Variants in SH3PXD2A observed in about 807,000 individuals in gnomAD.
The protein encoded by SH3PXD2A is SH3 and PX domain-containing protein 2A.
SH3PXD2A carries 32 observed loss-of-function variants against 115.2 expected under a neutral mutation model. The observed-to-expected ratio is 0.28, with a 90% confidence interval of 0.21 to 0.37. The LOEUF (loss-of-function observed/expected upper bound fraction) is 0.37, where lower values mean the gene tolerates loss of function less well. Among genes scored for constraint, SH3PXD2A ranks in the 10% least tolerant of loss-of-function variants. The pLI is 1.00. For synonymous variants in SH3PXD2A, 610 were observed against 629.1 expected (o/e 0.97, Z 0.45); for missense variants, 1,328 against 1,498.7 (o/e 0.89, Z 1.88).
At chr10:103,747,344 G>A (rs1673514753) in intron 3 of SH3PXD2A, among the ~76,000 whole-genome samples, 1 of 152,194 alleles carries the variant, frequency 6.6e-6, no homozygotes, top group African/African-American at 2.4e-5. Context: ...CGTGGGTGTG[G>A]TGGGCGTGGT....
At chr10:103,619,169 T>C (rs1237671870) in intron 10 of SH3PXD2A, among the ~76,000 whole-genome samples, 1 of 152,230 alleles carries the variant, frequency 6.6e-6, no homozygotes, top group Admixed American at 6.5e-5. Context: ...AACCCAGCCA[T>C]GCTTCAGACT....
chr10:103,602,954 G>A lies in SH3PXD2A; in HGVS notation c.2264C>T (p.Ser755Leu), dbSNP rs758192955. 1.3e-5 allele frequency: 21 copies of A among 1,614,086 alleles called. No individual in the cohort carries two copies. The highest frequency in any genetic ancestry group is 2.7e-5 in the African/African-American group (2 of 74,946). ...GTTTAGGAATGGCTTGGGCCGGACC[G>A]ATGGCTTGGCCCGGGGACAGGAGGT... ...GLTSCPRAKP[S>L]VRPKPFLNRA... The change falls in exon 15 of 15, where the codon TCG becomes TTG. Residue 755 changes from serine (S) to leucine (L), a missense_variant. By Grantham distance (145) the Ser-to-Leu change is moderately radical. Transcript: ENST00000369774.
intron 13 of SH3PXD2A, among the ~76,000 whole-genome samples, chr10:103,606,210 CATCATCATCATT>C (rs1264550792): frequency 2.0e-5 from 3 of 151,158 alleles, no homozygotes; most frequent in African/African-American, 7.3e-5. Context: ...TCATCATCAT[CATCATCATCATT>C]ACTCTGAGAT....
intron 11 of SH3PXD2A, among the ~76,000 whole-genome samples, chr10:103,616,088 C>T (rs1429865338): frequency 6.6e-6 from 1 of 152,064 alleles, no homozygotes; most frequent in Non-Finnish European, 1.5e-5. Flanking sequence ...CATGTTCCAT[C>T]AGGTCAGACT....
At chr10:103,710,027 G>A (rs950368749) in intron 5 of SH3PXD2A, among the ~76,000 whole-genome samples, 3 of 151,876 alleles carry the variant, frequency 2.0e-5, no homozygotes, top group East Asian at 1.9e-4. Flanking sequence ...CCCGGGAGGC[G>A]GAGGTTGCAG....
chr10:103,658,627 G>A (rs139724888), intron 8 of SH3PXD2A, among the ~76,000 whole-genome samples: 34 of 152,302 alleles, frequency 2.2e-4, no homozygotes, highest in Admixed American at 1.2e-3. Context: ...AGCAACAGAC[G>A]GGTTTGAATA....
At chr10:103,792,424 C>G (rs1305618454) in intron 2 of SH3PXD2A, among the ~76,000 whole-genome samples, 1 of 152,150 alleles carries the variant, frequency 6.6e-6, no homozygotes, top group Non-Finnish European at 1.5e-5. Flanking sequence ...GTGGGGCTCT[C>G]TGGCTTTTTG....
chr10:103,781,962 A>C (rs898594913), intron 2 of SH3PXD2A, among the ~76,000 whole-genome samples: 1 of 152,126 alleles, frequency 6.6e-6, no homozygotes, highest in African/African-American at 2.4e-5. Context: ...AGCTCAGAGG[A>C]ACCAACGATG....
At chr10:103,721,766 A>G (rs1227474162) in intron 5 of SH3PXD2A, among the ~76,000 whole-genome samples, 2 of 152,196 alleles carry the variant, frequency 1.3e-5, no homozygotes, top group Non-Finnish European at 1.5e-5. Context: ...TACTGCTGCC[A>G]GGCTCAGAGC....
At chr10:103,749,921 G>A (rs2038554719) in intron 3 of SH3PXD2A, 1 of 152,266 alleles carries the variant, frequency 6.6e-6, no homozygotes, top group Non-Finnish European at 1.5e-5. Context: ...CGTCTTGCAG[G>A]TGGGTCCTCT....
At position 103,784,364 on chromosome 10, in the gene SH3PXD2A, C is replaced by G. The variant is rs2038960998; in HGVS notation, c.153+16918G>C. On this transcript the variant is annotated intron_variant, in intron 2 of 14. Transcript: ENST00000369774. The surrounding 1 kb of genome is among the most constrained non-coding windows in gnomAD (Gnocchi z 4.4). ...GAGCGCCTTCCCAGCCTACCTGAAC[C>G]CCAGCCCTTCTCCACCTCCAGTTCC... 6.6e-6 allele frequency among the ~76,000 whole-genome samples: 1 copy of G among 152,160 alleles called. No individual in the cohort carries two copies.
chr10:103,722,207 G>A (rs1366687374), intron 5 of SH3PXD2A, among the ~76,000 whole-genome samples: 2 of 151,472 alleles, frequency 1.3e-5, no homozygotes, highest in East Asian at 2.0e-4. Flanking sequence ...GGGAGGCTGA[G>A]GTAAGGGAAT....
intron 8 of SH3PXD2A, among the ~76,000 whole-genome samples, chr10:103,647,394 T>A (rs2037051676): frequency 6.6e-6 from 1 of 152,162 alleles, no homozygotes; most frequent in African/African-American, 2.4e-5. Flanking sequence ...GGTGGTAGGA[T>A]GACCTCCTGG....
At chr10:103,728,885 G>GTTTTTTTTTTTTTTTT (rs1170237835) in intron 4 of SH3PXD2A, among the ~76,000 whole-genome samples, 2 of 99,188 alleles carry the variant, frequency 2.0e-5, no homozygotes, top group African/African-American at 4.9e-5. Context: ...TGTTTTTTTT[G>GTTTTTTTTTTTTTTTT]TTTGTTTGTT....
rs756885841 is a variant in SH3PXD2A at position 103,822,281 on chromosome 10, C to T, written c.73-20919G>A. On this transcript the variant is annotated intron_variant, in intron 1 of 14. Transcript: ENST00000369774. The stretch of plus-strand genomic sequence containing the variant: ...TTTTCTGGATGTTATACATACTGTG[C>T]ACAAAAGCAACTTTATTAAACTTGC... Among the ~76,000 whole-genome samples the T allele has an allele frequency of 2.0e-5, 3 of 152,346 alleles. No homozygotes were observed. The South Asian group carries it at 6.2e-4, about 32-fold the overall frequency.
At chr10:103,650,032 A>G (rs1028538962) in intron 8 of SH3PXD2A, among the ~76,000 whole-genome samples, 12 of 152,362 alleles carry the variant, frequency 7.9e-5, no homozygotes, top group African/African-American at 2.9e-4. Flanking sequence ...GGGCACGTGA[A>G]GCTGATCTTG....
intron 2 of SH3PXD2A, among the ~76,000 whole-genome samples, chr10:103,785,089 A>C (rs1213550303): frequency 6.6e-6 from 1 of 152,086 alleles, no homozygotes; most frequent in Non-Finnish European, 1.5e-5. Context: ...GACCAGAGAA[A>C]ACGGCTGTTC....
chr10:103,693,014 G>C lies in SH3PXD2A; in HGVS notation c.427+14C>G. The stretch of plus-strand genomic sequence containing the variant: ...AAGGAAGGCTGAAGGGAAAACGCCC[G>C]GAGGCTCCCTTACCTGATTTCCTCT... On this transcript the variant is annotated intron_variant, in intron 6 of 14. Transcript: ENST00000369774. The C allele has an allele frequency of 2.5e-6, 4 of 1,588,906 alleles. No individual in the cohort carries two copies. Among genetic ancestry groups the C allele is most frequent in the Non-Finnish European group, 3.4e-6 (4 of 1,164,158 alleles).
At chr10:103,678,258 C>T in intron 6 of SH3PXD2A, 1 of 714,564 alleles carries the variant, frequency 1.4e-6, no homozygotes, top group Non-Finnish European at 2.1e-6. Context: ...TGCGTGGGTC[C>T]AGACCAATCC....
Sources: allele counts gnomAD v4.1 joint callset (sites outside exome capture counted in the v4.1 genomes callset), GRCh38; gene constraint gnomAD v4.1.1; non-coding constraint Gnocchi (gnomAD v3.1); transcripts MANE v1.5; gene names NCBI Gene and HGNC (gene_info 2026-07-23, HGNC 2026-07-21).